Variants in AQP9 observed in about 807,000 individuals in gnomAD.
AQP9 encodes the protein aquaporin-9.
In AQP9, 19 loss-of-function variants were observed where a neutral mutation model predicts 23.8. That is an observed-to-expected ratio of 0.80 (90% CI 0.56 to 1.17). AQP9 has a LOEUF of 1.17. Ranked by LOEUF, AQP9 falls within the 50% of genes most tolerant of loss-of-function variation. The pLI is 0.00. For missense variants in AQP9, 413 were observed against 362.0 expected (o/e 1.14, Z -1.14); for synonymous variants, 153 against 131.5 (o/e 1.16, Z -1.12).
intron 1 of AQP9, among the ~76,000 whole-genome samples, chr15:58,142,284 G>C (rs558959803): frequency 2.0e-5 from 3 of 152,222 alleles, no homozygotes; most frequent in South Asian, 4.1e-4. Flanking sequence ...ACACAATTAA[G>C]AGACTTATCA....
intron 1 of AQP9, among the ~76,000 whole-genome samples, chr15:58,140,342 A>G (rs1159833256): frequency 6.6e-6 from 1 of 152,064 alleles, no homozygotes; most frequent in Admixed American, 6.6e-5. Flanking sequence ...TGTCTTCCCC[A>G]CTATGCAAGG....
At chr15:58,168,386 A>T (rs1898553661) in intron 2 of AQP9, among the ~76,000 whole-genome samples, 3 of 152,186 alleles carry the variant, frequency 2.0e-5, no homozygotes, top group Non-Finnish European at 4.4e-5. Context: ...GAAGGGCATT[A>T]CAAGCAGGTT....
At chr15:58,142,042 T>C (rs1233117587) in intron 1 of AQP9, among the ~76,000 whole-genome samples, 2 of 152,162 alleles carry the variant, frequency 1.3e-5, no homozygotes, top group Admixed American at 1.3e-4. Flanking sequence ...TGGCCCTTTT[T>C]ATTGGTGGAG....
At chr15:58,173,257 A>C (rs779027435) in intron 3 of AQP9, 52 bp downstream of exon 3, 2 of 1,606,010 alleles carry the variant, frequency 1.2e-6, no homozygotes. Context: ...CATAATTTGA[A>C]AGTCAGAATT....
At chr15:58,152,056 A>G (rs764740592) in intron 1 of AQP9, 2 of 152,160 alleles carry the variant, frequency 1.3e-5, no homozygotes, top group South Asian at 2.1e-4. Flanking sequence ...AACCCCTTGA[A>G]GCTTTACAGG....
At chr15:58,146,073 C>T (rs1898038787) in intron 1 of AQP9, among the ~76,000 whole-genome samples, 1 of 151,988 alleles carries the variant, frequency 6.6e-6, no homozygotes, top group African/African-American at 2.4e-5. Flanking sequence ...TTTGAAATTT[C>T]ACTATTATGT....
chr15:58,159,196 G>A (rs1178594715), intron 1 of AQP9, among the ~76,000 whole-genome samples: 3 of 152,070 alleles, frequency 2.0e-5, no homozygotes. Context: ...TGGCTCAGTT[G>A]AGAACTGCCC....
chr15:58,150,973 T>A (rs1308079368), intron 1 of AQP9: 1 of 152,198 alleles, frequency 6.6e-6, no homozygotes, highest in African/African-American at 2.4e-5. Context: ...AATTGGTAGA[T>A]AGTTTAAGTT....
Position 58,179,049 on chromosome 15 carries a change from T to C in AQP9, c.496-79T>C. On this transcript the variant is annotated intron_variant, in intron 4 of 5. Transcript: ENST00000219919. ...ATAGTAATATTGTAATATTGTAAAA[T>C]AGTAAGAAGGGATGATTTTGAGACA... 3.0e-6 allele frequency: 3 copies of C among 1,002,012 alleles called. No individual in the cohort carries two copies. In the South Asian group the frequency reaches 4.3e-5, roughly 14 times the overall value. The allele number at this position is 1,002,012 out of a possible 1,614,324, so 62.1% of individuals were successfully genotyped here. A position where few individuals can be genotyped will look rare whatever the true frequency, so the allele number is the denominator to read the frequency against.
intron 2 of AQP9, among the ~76,000 whole-genome samples, chr15:58,169,023 A>C (rs2899617): frequency 6.6e-6 from 1 of 151,938 alleles, no homozygotes; most frequent in African/African-American, 2.4e-5. Context: ...TCCATATCTG[A>C]TTCTGTCCAT....
chr15:58,145,485 T>C (rs1303767619), intron 1 of AQP9, among the ~76,000 whole-genome samples: 1 of 145,140 alleles, frequency 6.9e-6, no homozygotes, highest in African/African-American at 2.6e-5. Flanking sequence ...AGACTTTGTG[T>C]CCAAAAAAAA....
chr15:58,150,451 A>G (rs1898127343), intron 1 of AQP9: 1 of 152,734 alleles, frequency 6.5e-6, no homozygotes, highest in South Asian at 2.1e-4. Flanking sequence ...TCTGCCAACT[A>G]AAATTTCACT....
chr15:58,173,157 T>A lies in AQP9; in HGVS notation c.328T>A (p.Phe110Ile). 6.2e-7 allele frequency: 1 copy of A among 1,614,206 alleles called. No homozygotes were observed. The highest frequency in any genetic ancestry group is 8.5e-7 in the Non-Finnish European group (1 of 1,180,036). The change falls in exon 3 of 6, where the codon TTC becomes ATC. Residue 110 changes from phenylalanine to isoleucine, a missense_variant. Physicochemically the swap from Phe to Ile is conservative, Grantham distance 21. Coordinates refer to ENST00000219919, the MANE Select transcript of AQP9 (RefSeq NM_020980.5). ...ATTGCCATTTTATGTGGGAGCCCAG[T>A]TCTTGGGAGCCTTTGTGGGGGCTGC... ...FKLPFYVGAQ[F>I]LGAFVGAATV...
chr15:58,173,680 A>C (rs1274150258), intron 3 of AQP9, among the ~76,000 whole-genome samples: 2 of 152,180 alleles, frequency 1.3e-5, no homozygotes, highest in Non-Finnish European at 2.9e-5. Context: ...TCCACTCTGC[A>C]ACAGTCCTTG....
intron 5 of AQP9, among the ~76,000 whole-genome samples, chr15:58,180,453 T>C (rs751331612): frequency 2.0e-5 from 3 of 152,138 alleles, no homozygotes; most frequent in Non-Finnish European, 4.4e-5. Flanking sequence ...GTGCCATGAG[T>C]ACCTTGACAG....
At chr15:58,163,606 G>A (rs537532019) in intron 1 of AQP9, among the ~76,000 whole-genome samples, 2 of 152,176 alleles carry the variant, frequency 1.3e-5, no homozygotes, top group Admixed American at 6.5e-5. Context: ...CTGAATGGAC[G>A]ACAGACCTAA....
intron 4 of AQP9, among the ~76,000 whole-genome samples, chr15:58,176,584 C>T (rs1404774555): frequency 6.7e-6 from 1 of 148,722 alleles, no homozygotes; most frequent in Non-Finnish European, 1.5e-5. Flanking sequence ...AGAGCGAGGA[C>T]AATTTTGGTT....
At chr15:58,159,115 C>T (rs919759326) in intron 1 of AQP9, among the ~76,000 whole-genome samples, 2 of 152,180 alleles carry the variant, frequency 1.3e-5, no homozygotes, top group African/African-American at 4.8e-5. Context: ...CCCGGCATTT[C>T]AGCTTGTGAT....
In AQP9 at chr15:58,184,909, C is replaced by T. The variant is rs551069728; in HGVS notation, c.*774C>T. 8 of 152,308 alleles carry T rather than the reference C, an allele frequency of 5.3e-5. No homozygotes were observed. In the East Asian group the frequency reaches 1.5e-3, roughly 29 times the overall value. The allele number at this position is 152,308 out of a possible 1,614,324, so 9.4% of individuals were successfully genotyped here. Reference sequence around the variant, plus strand: ...ATTGTAACCTCAGTCATGAAAAATACATCACTCTGTCTTTTTAGCTCAAAT... The same window carrying T: ...ATTGTAACCTCAGTCATGAAAAATATATCACTCTGTCTTTTTAGCTCAAAT... On this transcript the variant is annotated 3_prime_UTR_variant, in exon 6 of 6. Coordinates refer to ENST00000219919, the MANE Select transcript of AQP9 (RefSeq NM_020980.5).
Sources: allele counts gnomAD v4.1 joint callset (sites outside exome capture counted in the v4.1 genomes callset), GRCh38; gene constraint gnomAD v4.1.1; transcripts MANE v1.5; gene names NCBI Gene and HGNC (gene_info 2026-07-23, HGNC 2026-07-21).